Variants in WWOX observed in about 807,000 individuals in gnomAD.
WWOX encodes the protein WW domain-containing oxidoreductase.
In WWOX, 69 loss-of-function variants were observed where a neutral mutation model predicts 46.2. That is an observed-to-expected ratio of 1.49 (90% CI 1.23 to 1.82). The LOEUF (loss-of-function observed/expected upper bound fraction) is 1.82. WWOX is among the 40% of genes most tolerant of loss of function. The probability of loss-of-function intolerance (pLI) is 0.00; values close to 1 mark genes in which losing one functional copy is unlikely to be tolerated. For missense variants in WWOX, 919 were observed against 542.6 expected (o/e 1.69, Z -6.89); for synonymous variants, 359 against 202.6 (o/e 1.77, Z -6.56).
At chr16:78,952,944 G>T (rs1247543137) in intron 8 of WWOX, among the ~76,000 whole-genome samples, 1 of 152,042 alleles carries the variant, frequency 6.6e-6, no homozygotes, top group Non-Finnish European at 1.5e-5. Flanking sequence ...AAGATGGATG[G>T]GCCAGCAAAG....
chr16:79,055,109 C>T (rs1425489518), intron 8 of WWOX, among the ~76,000 whole-genome samples: 1 of 152,070 alleles, frequency 6.6e-6, no homozygotes, highest in East Asian at 1.9e-4. Flanking sequence ...ACTAAATAAT[C>T]CATATGAGAC....
At chr16:78,314,701 G>GTTTTTTTTTTTTTTT (rs920575863) in intron 5 of WWOX, among the ~76,000 whole-genome samples, 205 of 61,212 alleles carry the variant, frequency 3.3e-3, no homozygotes, top group African/African-American at 5.3e-3. Context: ...TTTTTTTTTT[G>GTTTTTTTTTTTTTTT]TTTTTTTTTT....
chr16:78,971,881 C>T (rs8048317), intron 8 of WWOX, among the ~76,000 whole-genome samples: 5,190 of 152,248 alleles, frequency 0.034, 276 homozygotes, highest in African/African-American at 0.12. Context: ...GTTTCCTCAT[C>T]AGCAGAATCG....
At chr16:78,689,932 C>G (rs2142261762) in intron 8 of WWOX, among the ~76,000 whole-genome samples, 1 of 152,228 alleles carries the variant, frequency 6.6e-6, no homozygotes, top group South Asian at 2.1e-4. Context: ...GCAATCTTGG[C>G]TCACTGCAAC....
intron 8 of WWOX, among the ~76,000 whole-genome samples, chr16:78,594,127 C>T (rs778596956): frequency 3.3e-5 from 5 of 152,096 alleles, no homozygotes; most frequent in Non-Finnish European, 5.9e-5. Flanking sequence ...TCAACTCCTC[C>T]TCCTGGCTTA....
At chr16:78,960,749 A>C (rs956965236) in intron 8 of WWOX, among the ~76,000 whole-genome samples, 1 of 152,136 alleles carries the variant, frequency 6.6e-6, no homozygotes, top group Admixed American at 6.5e-5. Context: ...TTCCAAAAGG[A>C]GCCTATGTAG....
At chr16:79,145,828 C>A (rs565153015) in intron 8 of WWOX, among the ~76,000 whole-genome samples, 29 of 152,038 alleles carry the variant, frequency 1.9e-4, no homozygotes, top group South Asian at 2.1e-4. Context: ...TAGAAAAAAA[C>A]CCCATTCAAA....
chr16:78,120,500 G>A (rs1025652417), intron 4 of WWOX, among the ~76,000 whole-genome samples: 9 of 151,828 alleles, frequency 5.9e-5, no homozygotes, highest in Non-Finnish European at 1.2e-4. Flanking sequence ...AACCCGGGAA[G>A]TGGAGCTTGC....
intron 5 of WWOX, among the ~76,000 whole-genome samples, chr16:78,277,984 C>T (rs910889927): frequency 2.0e-5 from 3 of 152,000 alleles, no homozygotes; most frequent in African/African-American, 4.8e-5. Context: ...TTTTGATAAC[C>T]AAGGTGATGA....
chr16:78,730,609 GC>G (rs2048946033), intron 8 of WWOX, among the ~76,000 whole-genome samples: 1 of 135,500 alleles, frequency 7.4e-6, no homozygotes. Flanking sequence ...ATGCCACCAC[GC>G]CCGGCAATTT....
intron 8 of WWOX, among the ~76,000 whole-genome samples, chr16:78,596,089 A>C (rs2045482728): frequency 6.6e-6 from 1 of 152,140 alleles, no homozygotes; most frequent in Non-Finnish European, 1.5e-5. Flanking sequence ...ATTTCTAATC[A>C]TGTGTGACTA....
chr16:78,476,543 CAT>C (rs1255537054), intron 8 of WWOX, among the ~76,000 whole-genome samples: 1 of 151,914 alleles, frequency 6.6e-6, no homozygotes, highest in South Asian at 2.1e-4. Context: ...CAACACAGCA[CAT>C]GTCTACATAT....
At chr16:78,326,392 A>G (rs544134081) in intron 5 of WWOX, among the ~76,000 whole-genome samples, 1 of 152,150 alleles carries the variant, frequency 6.6e-6, no homozygotes, top group African/African-American at 2.4e-5. Flanking sequence ...TATCATACTT[A>G]GGAAAATGCC....
intron 8 of WWOX, among the ~76,000 whole-genome samples, chr16:78,830,802 C>A (rs7186325): frequency 0.14 from 21,008 of 151,640 alleles, 1,879 homozygotes; most frequent in African/African-American, 0.25. Flanking sequence ...AGCGTTCCCT[C>A]CCTCCTTGCC....
Position 78,491,316 on chromosome 16 carries a change from G to A in WWOX, c.1056+58564G>A, listed in dbSNP as rs572299383. On this transcript the variant is annotated intron_variant, in intron 8 of 8. Coordinates refer to ENST00000566780, the MANE Select transcript of WWOX (RefSeq NM_016373.4). ...GGTCATCTTTTCCCCTGGATGAGAC[G>A]CCCCTTGGGGAAAGGACCAAGTTTT... is the stretch of plus-strand genomic sequence containing the variant. 3.9e-5 allele frequency among the ~76,000 whole-genome samples: 6 copies of A among 152,274 alleles called. No individual in the cohort carries two copies. In the East Asian group the frequency reaches 5.8e-4, roughly 15 times the overall value.
intron 8 of WWOX, among the ~76,000 whole-genome samples, chr16:78,596,062 C>T (rs1048387702): frequency 1.3e-5 from 2 of 152,020 alleles, no homozygotes; most frequent in Admixed American, 6.6e-5. Context: ...TGTTTCTGCT[C>T]ATTTTTTATA....
At chr16:79,045,403 A>G (rs1334563465) in intron 8 of WWOX, among the ~76,000 whole-genome samples, 1 of 152,178 alleles carries the variant, frequency 6.6e-6, no homozygotes, top group Admixed American at 6.5e-5. Context: ...CTCCCACTCC[A>G]GAGAGATGTA....
intron 8 of WWOX, among the ~76,000 whole-genome samples, chr16:78,814,815 C>T (rs970649052): frequency 7.2e-5 from 11 of 152,186 alleles, no homozygotes; most frequent in Admixed American, 7.2e-4. Context: ...GGCGTTGTCC[C>T]CACTAGTCCT....
At chr16:78,365,082 G>C (rs977462299) in intron 5 of WWOX, among the ~76,000 whole-genome samples, 4 of 152,156 alleles carry the variant, frequency 2.6e-5, no homozygotes, top group Non-Finnish European at 4.4e-5. Flanking sequence ...TAGTTTATGA[G>C]CTTAAGTTAT....
Sources: gnomAD v4.1 joint callset for allele counts (sites outside exome capture counted in the v4.1 genomes callset) on GRCh38, gnomAD v4.1.1 for gene constraint, MANE v1.5 for transcripts, NCBI Gene and HGNC (gene_info 2026-07-23, HGNC 2026-07-21) for gene names.